Variants in PCDHA12 observed in about 807,000 individuals in gnomAD.
PCDHA12 encodes the protein protocadherin alpha-12.
In PCDHA12, 44 loss-of-function variants were observed where a neutral mutation model predicts 60.0. The observed-to-expected ratio is 0.73, with a 90% CI of 0.58 to 0.94. The LOEUF (loss-of-function observed/expected upper bound fraction) is 0.94. PCDHA12 is among the 40% of genes least tolerant of loss of function. The pLI is 0.00. For missense variants in PCDHA12, 1,276 were observed against 1,239.7 expected, an observed-to-expected ratio of 1.03 and a Z score of -0.44; for synonymous variants, 569 against 553.0, an observed-to-expected ratio of 1.03 and a Z score of -0.40.
In PCDHA12 at chr5:141,009,951, A is replaced by G. The variant is rs2303646; in HGVS notation, c.*14A>G. On this transcript the variant is annotated 3_prime_UTR_variant, in exon 4 of 4. Coordinates refer to ENST00000398631, the MANE Select transcript of PCDHA12 (RefSeq NM_018903.4). ...AGTGACCAGTGAGGTCCTCAAATGGAAACAAGCCACTTAGCCAGTTTTTGT... is the reference window on the plus strand; with the variant it reads ...AGTGACCAGTGAGGTCCTCAAATGGGAACAAGCCACTTAGCCAGTTTTTGT... 5,767 of 1,593,458 alleles carry G rather than the reference A, an allele frequency of 3.6e-3. 231 individuals are homozygous for G. In the East Asian group the frequency reaches 0.095, roughly 26 times the overall value.
chr5:141,001,488 ATGCTAGCCCAGGT>A (rs1261759985), intron 3 of PCDHA12, among the ~76,000 whole-genome samples: 3 of 152,210 alleles, frequency 2.0e-5, no homozygotes, highest in Non-Finnish European at 4.4e-5. Flanking sequence ...AGTGCTGGAA[ATGCTAGCCCAGGT>A]GGGCTTAGCT....
Position 140,877,793 on chromosome 5 carries a change from C to T in PCDHA12, c.2321C>T (p.Pro774Leu). The change falls in exon 1 of 4, where the codon CCA (proline) becomes CTA (leucine). Residue 774 changes from proline to leucine, a missense_variant. Coordinates refer to ENST00000398631, the MANE Select transcript of PCDHA12 (RefSeq NM_018903.4). ...AAGACGGACCTCATGGCCTTCAGCC[C>T]AAGCCTTCAGCTGTCTCGAGAAGAT... Reference protein sequence around the residue: ...PPKTDLMAFSPSLQLSREDCL... With the variant: ...PPKTDLMAFSLSLQLSREDCL... The T allele has an allele frequency of 6.2e-7, 1 of 1,613,948 alleles. No homozygotes were observed. Among genetic ancestry groups the T allele is most frequent in the Non-Finnish European group, 8.5e-7 (1 of 1,179,932 alleles).
At chr5:140,923,753 T>C (rs1554201575) in intron 1 of PCDHA12, among the ~76,000 whole-genome samples, 1 of 152,174 alleles carries the variant, frequency 6.6e-6, no homozygotes. Flanking sequence ...AGGCATATGG[T>C]GGGACAAATC....
chr5:140,896,536 CT>C (rs34213614), intron 1 of PCDHA12, among the ~76,000 whole-genome samples: 112 of 145,476 alleles, frequency 7.7e-4, no homozygotes, highest in Admixed American at 9.6e-4. Flanking sequence ...AGCTATTTTT[CT>C]TTTTTTTTTT....
rs782793601 is a variant in PCDHA12 at position 140,875,749 on chromosome 5, G to A, written c.277G>A (p.Glu93Lys). ...ILFVNSRIDR[E>K]KLCGRSAECS... Reference sequence around the variant, plus strand: ...GTTTGTGAATTCTCGGATCGACCGCGAGAAGCTGTGCGGGCGGAGCGCGGA... The same window carrying A: ...GTTTGTGAATTCTCGGATCGACCGCAAGAAGCTGTGCGGGCGGAGCGCGGA... The change falls in exon 1 of 4, where the codon GAG (glutamate) becomes AAG (lysine). Residue 93 changes from glutamate to lysine, a missense_variant. Glu to Lys is a moderately conservative substitution (Grantham distance 56, BLOSUM62 1). Coordinates refer to ENST00000398631, the MANE Select transcript of PCDHA12 (RefSeq NM_018903.4). The A allele has an allele frequency of 1.9e-6, 3 of 1,614,264 alleles. No individual in the cohort carries two copies. Among genetic ancestry groups the A allele is most frequent in the African/African-American group, 1.3e-5 (1 of 75,076 alleles).
chr5:140,907,997 T>G (rs1352895327), intron 1 of PCDHA12, among the ~76,000 whole-genome samples: 1 of 152,186 alleles, frequency 6.6e-6, no homozygotes, highest in East Asian at 1.9e-4. Flanking sequence ...TCCTTAACCA[T>G]CCAGCCAAAC....
intron 1 of PCDHA12, chr5:140,968,393 C>T (rs747934843): frequency 1.8e-5 from 29 of 1,613,976 alleles, no homozygotes; most frequent in East Asian, 2.2e-5. Context: ...TGAGAAGTTT[C>T]GGGAGTTCTT....
Position 140,877,143 on chromosome 5 carries a change from C to G in PCDHA12, c.1671C>G (p.Asp557Glu), listed in dbSNP as rs782522652. ...SNVTLQVFVL[D>E]ENDNAPALLA... The stretch of plus-strand genomic sequence containing the variant: ...TGACGCTGCAGGTGTTCGTGCTGGA[C>G]GAGAACGACAACGCGCCGGCACTGC... Residue 557 changes from aspartate to glutamate, a missense_variant, in exon 1 of 4, where the codon GAC becomes GAG. Transcript: ENST00000398631. The G allele has an allele frequency of 1.2e-6, 2 of 1,613,668 alleles. No homozygotes were observed. The highest frequency in any genetic ancestry group is 2.7e-5 in the African/African-American group (2 of 74,938).
intron 3 of PCDHA12, among the ~76,000 whole-genome samples, chr5:140,998,786 A>G (rs1210415944): frequency 1.3e-5 from 2 of 152,026 alleles, no homozygotes; most frequent in African/African-American, 4.8e-5. Flanking sequence ...CTGGTCTGGA[A>G]CCCCTGACCT....
chr5:140,923,313 C>T (rs1428494241), intron 1 of PCDHA12, among the ~76,000 whole-genome samples: 1 of 152,074 alleles, frequency 6.6e-6, no homozygotes, highest in African/African-American at 2.4e-5. Flanking sequence ...GGGCGCTTGG[C>T]CTAGAAGTTC....
intron 1 of PCDHA12, among the ~76,000 whole-genome samples, chr5:140,890,607 T>A (rs2062708566): frequency 6.6e-6 from 1 of 152,184 alleles, no homozygotes; most frequent in Non-Finnish European, 1.5e-5. Context: ...GAATAGCTAG[T>A]GCTTACCCTA....
intron 1 of PCDHA12, among the ~76,000 whole-genome samples, chr5:140,908,191 G>A (rs548195405): frequency 2.6e-5 from 4 of 152,244 alleles, no homozygotes; most frequent in African/African-American, 9.6e-5. Flanking sequence ...TTCAGGTGGT[G>A]GACATATCAT....
chr5:140,969,547 A>C, intron 1 of PCDHA12: 10 of 1,244,334 alleles, frequency 8.0e-6, no homozygotes, highest in Non-Finnish European at 9.8e-6. Flanking sequence ...AGAGGCATGA[A>C]GCCTTGTCCA....
chr5:140,897,875 G>A (rs2066378352), intron 1 of PCDHA12, among the ~76,000 whole-genome samples: 1 of 152,080 alleles, frequency 6.6e-6, no homozygotes, highest in South Asian at 2.1e-4. Flanking sequence ...TTTAATGATT[G>A]CCATTCTAAC....
chr5:140,969,311 G>A (rs2096317598), intron 1 of PCDHA12: 2 of 1,614,050 alleles, frequency 1.2e-6, no homozygotes, highest in Non-Finnish European at 1.7e-6. Context: ...TCTCAAAAAT[G>A]AGGCTGTTTC....
intron 1 of PCDHA12, among the ~76,000 whole-genome samples, chr5:140,918,975 T>C (rs141194276): frequency 6.6e-6 from 1 of 152,310 alleles, no homozygotes; most frequent in East Asian, 1.9e-4. Flanking sequence ...ATCGTTTAGG[T>C]TAGTTGGTTT....
chr5:140,948,492 A>C (rs915795889), intron 1 of PCDHA12, among the ~76,000 whole-genome samples: 1 of 151,594 alleles, frequency 6.6e-6, no homozygotes, highest in Non-Finnish European at 1.5e-5. Flanking sequence ...AATTTCTTTC[A>C]TAGACTTTCT....
chr5:140,950,694 T>C (rs1361506103), intron 1 of PCDHA12, among the ~76,000 whole-genome samples: 4 of 152,104 alleles, frequency 2.6e-5, no homozygotes, highest in African/African-American at 9.7e-5. Flanking sequence ...TAACCAAATT[T>C]GACAAATTTT....
chr5:140,952,101 A>G (rs1451958490), intron 1 of PCDHA12, among the ~76,000 whole-genome samples: 1 of 151,950 alleles, frequency 6.6e-6, no homozygotes, highest in African/African-American at 2.4e-5. Flanking sequence ...TCCAGGGCAC[A>G]CTCGTGTGAG....
Sources: allele counts gnomAD v4.1 joint callset (sites outside exome capture counted in the v4.1 genomes callset), GRCh38; gene constraint gnomAD v4.1.1; transcripts MANE v1.5; gene names NCBI Gene and HGNC (gene_info 2026-07-23, HGNC 2026-07-21).